The following DCDC1 variants were observed in gnomAD, a reference collection of about 807,000 sequenced individuals.
DCDC1 encodes the protein doublecortin domain containing 1, also known as doublecortin domain-containing protein 1.
DCDC1 carries 200 observed loss-of-function variants against 178.3 expected under a neutral mutation model. That is an observed-to-expected ratio of 1.12 (90% CI 1.00 to 1.26). The LOEUF is 1.26. DCDC1 is among the 50% of genes most tolerant of loss of function. The pLI is 0.00. For missense variants in DCDC1, 1,983 were observed against 1,749.2 expected (o/e 1.13, Z -2.38); for synonymous variants, 690 against 604.8 (o/e 1.14, Z -2.07).
chr11:31,155,243 G>C (rs997186464), intron 9 of DCDC1, among the ~76,000 whole-genome samples: 2 of 152,142 alleles, frequency 1.3e-5, no homozygotes, highest in African/African-American at 4.8e-5. Context: ...CTAGAACCTA[G>C]GTCTTTTGAT....
intron 20 of DCDC1, among the ~76,000 whole-genome samples, chr11:31,043,809 T>G (rs936518661): frequency 7.0e-6 from 1 of 142,510 alleles, no homozygotes; most frequent in Non-Finnish European, 1.5e-5. Context: ...TGTGTGTGTG[T>G]TTCTTTTTGT....
intron 20 of DCDC1, among the ~76,000 whole-genome samples, chr11:31,062,134 T>G (rs1388972899): frequency 6.6e-6 from 1 of 152,064 alleles, no homozygotes; most frequent in East Asian, 1.9e-4. Flanking sequence ...CCATATATGT[T>G]TCAGGAATCT....
At chr11:30,883,006 C>T (rs1942826336) in intron 36 of DCDC1, 2 of 152,242 alleles carry the variant, frequency 1.3e-5, no homozygotes, top group Admixed American at 1.3e-4. Flanking sequence ...AACAGTAATA[C>T]TGATTAAAAC....
intron 20 of DCDC1, among the ~76,000 whole-genome samples, chr11:31,061,154 A>C (rs942217310): frequency 6.6e-6 from 1 of 152,182 alleles, no homozygotes; most frequent in Admixed American, 6.6e-5. Flanking sequence ...GAAACAGTTA[A>C]GATGACAGCT....
intron 1 of DCDC1, among the ~76,000 whole-genome samples, chr11:31,345,255 A>G (rs1196944707): frequency 1.3e-5 from 2 of 152,210 alleles, no homozygotes; most frequent in African/African-American, 4.8e-5. Context: ...ATAAAATTCT[A>G]TGAAAAAATG....
At chr11:31,279,117 C>G (rs183340215) in intron 7 of DCDC1, among the ~76,000 whole-genome samples, 1 of 152,082 alleles carries the variant, frequency 6.6e-6, no homozygotes, top group African/African-American at 2.4e-5. Flanking sequence ...GACCTTCTTT[C>G]ATTTCTCTCA....
At chr11:31,007,639 A>T (rs1951924821) in intron 20 of DCDC1, among the ~76,000 whole-genome samples, 1 of 151,860 alleles carries the variant, frequency 6.6e-6, no homozygotes, top group Admixed American at 6.6e-5. Flanking sequence ...TCATGGAAGA[A>T]CTTCTGTTTA....
chr11:30,975,669 T>C (rs1950062377), intron 20 of DCDC1, among the ~76,000 whole-genome samples: 1 of 151,958 alleles, frequency 6.6e-6, no homozygotes, highest in South Asian at 2.1e-4. Flanking sequence ...GTGAAAGACT[T>C]CTACAAGGAA....
intron 38 of DCDC1, among the ~76,000 whole-genome samples, chr11:30,867,701 G>A (rs1208981506): frequency 2.0e-5 from 3 of 152,064 alleles, no homozygotes; most frequent in Non-Finnish European, 4.4e-5. Flanking sequence ...ATTTAAATTG[G>A]GCTTCTGAAG....
intron 32 of DCDC1, among the ~76,000 whole-genome samples, chr11:30,902,858 T>C (rs1944790686): frequency 6.6e-6 from 1 of 152,160 alleles, no homozygotes; most frequent in Non-Finnish European, 1.5e-5. Flanking sequence ...CAGACTGTCG[T>C]TTGGGACACA....
At chr11:30,896,342 G>A (rs1944209009) in intron 34 of DCDC1, among the ~76,000 whole-genome samples, 1 of 152,172 alleles carries the variant, frequency 6.6e-6, no homozygotes, top group South Asian at 2.1e-4. Context: ...TGAGGATGGA[G>A]CTCCACTGAT....
chr11:30,914,477 G>A (rs1945679452), intron 27 of DCDC1, among the ~76,000 whole-genome samples: 1 of 152,150 alleles, frequency 6.6e-6, no homozygotes, highest in African/African-American at 2.4e-5. Flanking sequence ...ATTGCACGAT[G>A]CACAAACATA....
At chr11:31,335,822 T>A (rs978221230) in intron 1 of DCDC1, among the ~76,000 whole-genome samples, 3 of 152,126 alleles carry the variant, frequency 2.0e-5, no homozygotes, top group Admixed American at 2.0e-4. Flanking sequence ...TTAAAATAGC[T>A]ACAAAATCTC....
intron 1 of DCDC1, among the ~76,000 whole-genome samples, chr11:31,347,915 G>T (rs1950893783): frequency 6.6e-6 from 1 of 152,178 alleles, no homozygotes; most frequent in African/African-American, 2.4e-5. Context: ...TCATAAGTAG[G>T]TGGCATGGCA....
chr11:30,971,107 A>T (rs1949751908), intron 20 of DCDC1, among the ~76,000 whole-genome samples: 1 of 152,226 alleles, frequency 6.6e-6, no homozygotes, highest in Non-Finnish European at 1.5e-5. Context: ...TGAGGAAATC[A>T]CAGACATTAC....
chr11:30,958,389 G>T (rs1185793238), intron 20 of DCDC1, among the ~76,000 whole-genome samples: 1 of 152,088 alleles, frequency 6.6e-6, no homozygotes, highest in Non-Finnish European at 1.5e-5. Context: ...ATATTGACCT[G>T]ATATCACACA....
In DCDC1 at chr11:31,281,974, A is replaced by T. The variant is rs535635331; in HGVS notation, c.960+8673T>A. ...CTGGGATAAAACTCACTTGATCATG[A>T]TGTATTGTTGGATTTGACTTGTTAA... On this transcript the variant is annotated intron_variant, in intron 7 of 38. Coordinates refer to ENST00000684477, the MANE Select transcript of DCDC1 (RefSeq NM_001387274.1). Among the ~76,000 whole-genome samples the T allele has an allele frequency of 2.6e-5, 4 of 152,230 alleles. No individual in the cohort carries two copies. The South Asian group carries it at 6.2e-4, about 24-fold the overall frequency.
chr11:31,181,247 T>C (rs1565395455), intron 9 of DCDC1, among the ~76,000 whole-genome samples: 1 of 152,150 alleles, frequency 6.6e-6, no homozygotes, highest in Non-Finnish European at 1.5e-5. Context: ...CCCATTTCCA[T>C]GGGACAGAGC....
intron 1 of DCDC1, among the ~76,000 whole-genome samples, chr11:31,355,968 T>C (rs1951329454): frequency 6.6e-6 from 1 of 152,160 alleles, no homozygotes; most frequent in Non-Finnish European, 1.5e-5. Flanking sequence ...GTGTTATTTG[T>C]ACCGGTATAT....
Sources: allele counts gnomAD v4.1 joint callset (sites outside exome capture counted in the v4.1 genomes callset), GRCh38; gene constraint gnomAD v4.1.1; transcripts MANE v1.5; gene names NCBI Gene and HGNC (gene_info 2026-07-23, HGNC 2026-07-21).